RPS6KB1: variants seen among roughly 807,000 people sequenced by gnomAD.
RPS6KB1 encodes the protein ribosomal protein S6 kinase beta-1.
A neutral mutation model predicts 70.2 loss-of-function variants in RPS6KB1; 12 were observed. That is an observed-to-expected ratio of 0.17 (90% CI 0.11 to 0.28). RPS6KB1 has a LOEUF of 0.28. Among genes scored for constraint, RPS6KB1 ranks in the 10% least tolerant of loss-of-function variants. The pLI is 1.00. For missense variants in RPS6KB1, 270 were observed against 646.6 expected (o/e 0.42, Z 6.32); for synonymous variants, 175 against 211.2 (o/e 0.83, Z 1.49).
intron 1 of RPS6KB1, among the ~76,000 whole-genome samples, chr17:59,897,863 G>T (rs2144660909): frequency 6.6e-6 from 1 of 151,956 alleles, no homozygotes; most frequent in Admixed American, 6.6e-5. Flanking sequence ...TATTCAGGAG[G>T]CTGAGGCAGG....
At chr17:59,945,984 GA>G (rs1169611429) in intron 14 of RPS6KB1, among the ~76,000 whole-genome samples, 1 of 152,174 alleles carries the variant, frequency 6.6e-6, no homozygotes, top group Non-Finnish European at 1.5e-5. Context: ...GAGAGCAGAG[GA>G]AAAACAAGGG....
chr17:59,945,497 G>C lies in RPS6KB1; in HGVS notation c.1319G>C (p.Gly440Ala). 6.2e-7 allele frequency: 1 copy of C among 1,606,256 alleles called. No homozygotes were observed. Among genetic ancestry groups the C allele is most frequent in the South Asian group, 1.1e-5 (1 of 90,850 alleles). The change falls in exon 14 of 15, where the codon GGC (glycine) becomes GCC (alanine). Residue 440 changes from glycine to alanine, a missense_variant. Around this residue, in one of 4 missense-constraint regions of RPS6KB1, gnomAD observed 133 missense variants for 314.7 expected, o/e 0.42. Coordinates refer to ENST00000225577, the MANE Select transcript of RPS6KB1 (RefSeq NM_003161.4). ...ATCCGATCACCTCGAAGATTTATTG[G>C]CAGCCCACGAACACCTGTCAGGTAT... ...PKIRSPRRFI[G>A]SPRTPVSPVK...
chr17:59,918,649 T>G (rs2043100129), intron 4 of RPS6KB1, among the ~76,000 whole-genome samples: 1 of 152,022 alleles, frequency 6.6e-6, no homozygotes. Flanking sequence ...GGATTACAGG[T>G]GTGAGCCACC....
rs754984650 is a variant in RPS6KB1 at position 59,893,615 on chromosome 17, T to A, written c.141+290T>A. Among the ~76,000 whole-genome samples, 26 of 151,978 alleles carry A rather than the reference T, an allele frequency of 1.7e-4. No individual in the cohort carries two copies. The highest frequency in any genetic ancestry group is 3.3e-4 in the Admixed American group (5 of 15,254). On this transcript the variant is annotated intron_variant, in intron 1 of 14. Coordinates refer to ENST00000225577, the MANE Select transcript of RPS6KB1 (RefSeq NM_003161.4). This position sits in a 1 kb window ranked among gnomAD's most constrained non-coding sequence, Gnocchi z 4.1. ...GGTCGATTCCTCGAGCTGTTGGACT[T>A]GAGTGTGGCGGGGAGCGGGTGGCGT...
In RPS6KB1 at chr17:59,949,671, T is replaced by C. The variant is rs2045110436; in HGVS notation, c.*2883T>C. The C allele has an allele frequency of 6.6e-6, 1 of 152,490 alleles. No individual in the cohort carries two copies. The highest frequency in any genetic ancestry group is 6.6e-5 in the Admixed American group (1 of 15,252). 9.4% of individuals were successfully genotyped at this position (152,490 alleles called of 1,614,324 possible). On this transcript the variant is annotated 3_prime_UTR_variant, in exon 15 of 15. Coordinates refer to ENST00000225577, the MANE Select transcript of RPS6KB1 (RefSeq NM_003161.4). The stretch of plus-strand genomic sequence containing the variant: ...AGGAAAATTATGTTCTTTTTCCCCC[T>C]TTATGGTCTTAACTAATTTGAATCC...
chr17:59,947,744 C>T lies in RPS6KB1; in HGVS notation c.*956C>T, dbSNP rs2045012092. On this transcript the variant is annotated 3_prime_UTR_variant, in exon 15 of 15. Coordinates refer to ENST00000225577, the MANE Select transcript of RPS6KB1 (RefSeq NM_003161.4). ...TTCAAGACACCAAATGTCTTCAGCC[C>T]ATGGCTGAAGAACAACAGAAGAGAG... 1.5e-5 allele frequency: 9 copies of T among 601,750 alleles called. No individual in the cohort carries two copies. The highest frequency in any genetic ancestry group is 3.0e-6 in the Non-Finnish European group (1 of 330,340). The allele number at this position is 601,750 out of a possible 1,614,324, so 37.3% of individuals were successfully genotyped here.
In RPS6KB1 at chr17:59,934,573, A is replaced by C; in HGVS notation, c.870+49A>C. Reference sequence around the variant, plus strand: ...ATGTATTATTGGTCTGTGCTGAGTCACTATAGCAAGAGACCTGTCCTGTGC... The same window carrying C: ...ATGTATTATTGGTCTGTGCTGAGTCCCTATAGCAAGAGACCTGTCCTGTGC... On this transcript the variant is annotated intron_variant, in intron 9 of 14. Transcript: ENST00000225577. This position sits in a 1 kb window ranked among gnomAD's most constrained non-coding sequence, Gnocchi z 4.8. 7.1e-7 allele frequency: 1 copy of C among 1,405,982 alleles called. No individual in the cohort carries two copies. Among genetic ancestry groups the C allele is most frequent in the Non-Finnish European group, 1.0e-6 (1 of 994,192 alleles). The allele number at this position is 1,405,982 out of a possible 1,614,324, so 87.1% of individuals were successfully genotyped here.
At chr17:59,940,181 G>A (rs1306819864) in intron 12 of RPS6KB1, among the ~76,000 whole-genome samples, 1 of 151,710 alleles carries the variant, frequency 6.6e-6, no homozygotes, top group Non-Finnish European at 1.5e-5. Context: ...CTCTAAACAG[G>A]GATTTAGCCA....
At chr17:59,938,699 TTG>T (rs58751297) in intron 12 of RPS6KB1, among the ~76,000 whole-genome samples, 20,111 of 137,832 alleles carry the variant, frequency 0.15, 1,464 homozygotes, top group East Asian at 0.33. Flanking sequence ...AATGTGTAGT[TTG>T]TGTGTGTGTG....
chr17:59,912,943 AG>A, intron 3 of RPS6KB1, 139 bp downstream of exon 3: 1 of 898,064 alleles, frequency 1.1e-6, no homozygotes, highest in Non-Finnish European at 1.7e-6. Flanking sequence ...GGTATGTTTG[AG>A]GGATGTACAG....
rs745681533 is a variant in RPS6KB1 at position 59,936,227 on chromosome 17, A to C, written c.991A>C (p.Asn331His). Residue 331 changes from asparagine to histidine, a missense_variant, in exon 11 of 15, where the codon AAT becomes CAT. Physicochemically the swap from Asn to His is moderately conservative, Grantham distance 68. Coordinates refer to ENST00000225577, the MANE Select transcript of RPS6KB1 (RefSeq NM_003161.4). ...TTCCTCTTTAAAGCTGCTGAAAAGA[A>C]ATGCTGCTTCTCGTCTGGGAGCTGG... ...RDLLKKLLKR[N>H]AASRLGAGPG... 5.0e-6 allele frequency: 8 copies of C among 1,595,894 alleles called. No homozygotes were observed. Among genetic ancestry groups the C allele is most frequent in the Non-Finnish European group, 6.8e-6 (8 of 1,175,790 alleles).
rs760709529 is a variant in RPS6KB1 at position 59,936,452 on chromosome 17, T to G, written c.1042-12T>G. On this transcript the variant is annotated splice_polypyrimidine_tract_variant and intron_variant, in intron 11 of 14. Transcript: ENST00000225577. Reference sequence around the variant, plus strand: ...GTCCCCTCAACTTTTCTTCCTGCTTTTTTTTTCCTAGGCTCATCCATTCTT... The same window carrying G: ...GTCCCCTCAACTTTTCTTCCTGCTTGTTTTTTCCTAGGCTCATCCATTCTT... 2 of 1,613,000 alleles carry G rather than the reference T, an allele frequency of 1.2e-6. No homozygotes were observed. The highest frequency in any genetic ancestry group is 1.7e-6 in the Non-Finnish European group (2 of 1,179,384).
At chr17:59,938,107 C>T (rs558351591) in intron 12 of RPS6KB1, among the ~76,000 whole-genome samples, 1 of 148,684 alleles carries the variant, frequency 6.7e-6, no homozygotes, top group Admixed American at 6.7e-5. Context: ...ATCCCATCAT[C>T]ACACCTCAGA....
intron 1 of RPS6KB1, among the ~76,000 whole-genome samples, chr17:59,905,382 A>AT (rs1448503818): frequency 1.3e-5 from 2 of 152,082 alleles, no homozygotes; most frequent in East Asian, 3.9e-4. Flanking sequence ...CGATTTATTG[A>AT]TTTTTTAAAT....
intron 7 of RPS6KB1, among the ~76,000 whole-genome samples, chr17:59,932,101 A>G (rs1232352654): frequency 6.6e-6 from 1 of 152,124 alleles, no homozygotes; most frequent in Non-Finnish European, 1.5e-5. Context: ...TTGAGTTTTA[A>G]TAATGAAAAT....
At chr17:59,931,058 T>A (rs1236200605) in intron 6 of RPS6KB1, 3 of 153,948 alleles carry the variant, frequency 1.9e-5, no homozygotes, top group Admixed American at 6.5e-5. Context: ...TTGAGGTAGA[T>A]AAATTTGGGT....
At chr17:59,902,343 G>A (rs1035973574) in intron 1 of RPS6KB1, among the ~76,000 whole-genome samples, 5 of 152,012 alleles carry the variant, frequency 3.3e-5, no homozygotes, top group Non-Finnish European at 2.9e-5. Context: ...GACCTCAAGT[G>A]ATCCGCCTGC....
At chr17:59,918,535 A>G (rs1391384646) in intron 4 of RPS6KB1, among the ~76,000 whole-genome samples, 1 of 151,548 alleles carries the variant, frequency 6.6e-6, no homozygotes. Context: ...ACACCTGGCT[A>G]ATTTTTGTAT....
rs1235897776 is a variant in RPS6KB1, at chr17:59,948,080, G to C, written c.*1292G>C. 6.5e-6 allele frequency: 1 copy of C among 153,020 alleles called. No homozygotes were observed. The highest frequency in any genetic ancestry group is 1.5e-5 in the Non-Finnish European group (1 of 68,522). 9.5% of individuals were successfully genotyped at this position (153,020 alleles called of 1,614,324 possible). On this transcript the variant is annotated 3_prime_UTR_variant, in exon 15 of 15. Coordinates refer to ENST00000225577, the MANE Select transcript of RPS6KB1 (RefSeq NM_003161.4). ...AAAGAAAACTTAGTGGCTTAATTTAGGAAACATGTTAACAGGACACTATGT... is the reference window on the plus strand; with the variant it reads ...AAAGAAAACTTAGTGGCTTAATTTACGAAACATGTTAACAGGACACTATGT...
Sources: allele counts gnomAD v4.1 joint callset (sites outside exome capture counted in the v4.1 genomes callset), GRCh38; gene constraint gnomAD v4.1.1; regional missense constraint gnomAD v4.1.1; non-coding constraint Gnocchi (gnomAD v3.1); transcripts MANE v1.5; gene names NCBI Gene and HGNC (gene_info 2026-07-23, HGNC 2026-07-21).